The following FKBP5 variants were observed in gnomAD, a reference collection of about 807,000 sequenced individuals.
The protein encoded by FKBP5 is FKBP prolyl isomerase 5.
Under a neutral mutation model 50.5 loss-of-function variants are expected in FKBP5, and 23 were observed. The observed-to-expected ratio is 0.46, with a 90% CI of 0.33 to 0.65. The LOEUF (loss-of-function observed/expected upper bound fraction) is 0.65, where lower values mean the gene tolerates loss of function less well. Ranked by LOEUF, FKBP5 falls within the 30% of genes least tolerant of loss-of-function variation. FKBP5 has a pLI of 0.02. For missense variants in FKBP5, 411 were observed against 553.1 expected, an observed-to-expected ratio of 0.74 and a Z score of 2.58; for synonymous variants, 176 against 190.6, an observed-to-expected ratio of 0.92 and a Z score of 0.63.
chr6:35,685,599 A>T (rs1006994775), intron 1 of FKBP5, among the ~76,000 whole-genome samples: 2 of 152,244 alleles, frequency 1.3e-5, no homozygotes, highest in Non-Finnish European at 2.9e-5. Flanking sequence ...AATATAGATT[A>T]TTCTTTAGGA....
intron 1 of FKBP5, among the ~76,000 whole-genome samples, chr6:35,724,468 A>G (rs1378864465): frequency 2.6e-5 from 4 of 152,200 alleles, no homozygotes; most frequent in African/African-American, 9.6e-5. Context: ...CAGGAGCTCC[A>G]AGGAGGCAGA....
chr6:35,672,929 CAA>C (rs764085096), intron 1 of FKBP5, among the ~76,000 whole-genome samples: 2 of 112,530 alleles, frequency 1.8e-5, no homozygotes, highest in Non-Finnish European at 1.9e-5. Context: ...GACTCCGTCT[CAA>C]AAAAAAAAAA....
intron 6 of FKBP5, among the ~76,000 whole-genome samples, chr6:35,595,197 T>A (rs9366890): frequency 0.82 from 125,455 of 152,172 alleles, 51,834 homozygotes; most frequent in African/African-American, 0.84. Flanking sequence ...TTTAAATCTG[T>A]AAAGAACTGT....
chr6:35,578,142 A>C (rs1047484161), intron 9 of FKBP5, among the ~76,000 whole-genome samples: 1 of 152,066 alleles, frequency 6.6e-6, no homozygotes, highest in Non-Finnish European at 1.5e-5. Flanking sequence ...ATTAAAAAAA[A>C]CCATAAAATG....
chr6:35,623,777 T>G (rs1763917891), intron 3 of FKBP5, among the ~76,000 whole-genome samples: 1 of 150,856 alleles, frequency 6.6e-6, no homozygotes, highest in Admixed American at 6.6e-5. Context: ...GTAGACAGTC[T>G]CACCATGTTG....
At chr6:35,597,447 G>C in intron 5 of FKBP5, 43 bp from the exon 6 acceptor site, 1 of 1,584,932 alleles carries the variant, frequency 6.3e-7, no homozygotes, top group Non-Finnish European at 8.6e-7. Context: ...CTGCTTCTTA[G>C]GACTGGCTAA....
intron 1 of FKBP5, among the ~76,000 whole-genome samples, chr6:35,663,346 C>T (rs528632781): frequency 3.1e-4 from 47 of 152,286 alleles, no homozygotes; most frequent in African/African-American, 1.1e-3. Context: ...CAGGCAGAGG[C>T]CTGACTGTGA....
chr6:35,591,218 T>C lies in FKBP5; in HGVS notation c.668A>G (p.Tyr223Cys). ...AGGCTTCCCTGCCTCTCCAAAACCA[T>C]ATCTGAAATGGAGAGTAAAAAATAA... ...EQCILYLGPRYGFGEAGKPKF... is the reference protein window; with the variant it reads ...EQCILYLGPRCGFGEAGKPKF... The change falls in exon 7 of 11, where the codon TAT becomes TGT. Residue 223 changes from tyrosine to cysteine, a missense_variant and splice_region_variant. Around this residue, in one of 3 missense-constraint regions of FKBP5, gnomAD observed 267 missense variants for 405.9 expected, o/e 0.66. Transcript: ENST00000357266. The C allele has an allele frequency of 6.2e-7, 1 of 1,601,964 alleles. No homozygotes were observed. The highest frequency in any genetic ancestry group is 8.5e-7 in the Non-Finnish European group (1 of 1,170,388).
chr6:35,636,795 G>A (rs1476801094), intron 3 of FKBP5, among the ~76,000 whole-genome samples: 1 of 152,086 alleles, frequency 6.6e-6, no homozygotes, highest in African/African-American at 2.4e-5. Context: ...TGTCAATACA[G>A]TAAAATGGCA....
rs1193901351 is a variant in FKBP5 at position 35,642,803 on chromosome 6, T to C, written c.22A>G (p.Lys8Glu). The C allele has an allele frequency of 6.2e-7, 1 of 1,613,974 alleles. No homozygotes were observed. The highest frequency in any genetic ancestry group is 1.7e-5 in the Admixed American group (1 of 60,004). The change falls in exon 2 of 11, where the codon AAG (lysine) becomes GAG (glutamate). Residue 8 changes from lysine to glutamate, a missense_variant. Around this residue, in one of 3 missense-constraint regions of FKBP5, gnomAD observed 56 missense variants for 58.2 expected, o/e 0.96. Transcript: ENST00000357266. MTTDEGA[K>E]NNEESPTATV... Reference sequence around the variant, plus strand: ...GCTGTGGGGCTTTCTTCATTGTTCTTGGCACCTTCATCAGTAGTCATTGTC... The same window carrying C: ...GCTGTGGGGCTTTCTTCATTGTTCTCGGCACCTTCATCAGTAGTCATTGTC...
intron 1 of FKBP5, among the ~76,000 whole-genome samples, chr6:35,670,781 T>C (rs981881086): frequency 2.6e-5 from 4 of 151,320 alleles, no homozygotes; most frequent in Non-Finnish European, 4.4e-5. Context: ...CATATACTGC[T>C]ATCTGTGTCA....
At chr6:35,675,293 A>C (rs1765496699) in intron 1 of FKBP5, among the ~76,000 whole-genome samples, 1 of 152,228 alleles carries the variant, frequency 6.6e-6, no homozygotes, top group Non-Finnish European at 1.5e-5. Flanking sequence ...CACGCCTGTA[A>C]TCCCGGATTC....
At chr6:35,657,796 C>A (rs138759603) in intron 1 of FKBP5, among the ~76,000 whole-genome samples, 77 of 152,220 alleles carry the variant, frequency 5.1e-4, no homozygotes, top group African/African-American at 1.8e-3. Flanking sequence ...AACATTCTTT[C>A]CTTTTCCTTT....
chr6:35,602,818 T>G (rs1310132462), intron 5 of FKBP5, among the ~76,000 whole-genome samples: 1 of 152,216 alleles, frequency 6.6e-6, no homozygotes, highest in Non-Finnish European at 1.5e-5. Flanking sequence ...CTCCTGGAAC[T>G]GAATAACATT....
chr6:35,705,738 AC>A (rs1225873599), intron 2 of FKBP5, among the ~76,000 whole-genome samples: 1 of 152,152 alleles, frequency 6.6e-6, no homozygotes, highest in Non-Finnish European at 1.5e-5. Context: ...CTAGGTCCTT[AC>A]CTCATTTCTT....
intron 2 of FKBP5, among the ~76,000 whole-genome samples, chr6:35,719,802 T>C (rs575685504): frequency 2.0e-5 from 3 of 152,356 alleles, no homozygotes; most frequent in African/African-American, 7.2e-5. Context: ...CAAGCTTGAC[T>C]GCAACTCCCA....
At chr6:35,647,299 C>A (rs1764656863) in intron 1 of FKBP5, among the ~76,000 whole-genome samples, 1 of 152,146 alleles carries the variant, frequency 6.6e-6, no homozygotes, top group African/African-American at 2.4e-5. Flanking sequence ...AACCTGAATA[C>A]AGGATTATTC....
chr6:35,646,405 A>C (rs1764631640), intron 1 of FKBP5, among the ~76,000 whole-genome samples: 1 of 152,182 alleles, frequency 6.6e-6, no homozygotes, highest in Admixed American at 6.5e-5. Context: ...AACAACAAGA[A>C]AACAAACTTT....
chr6:35,715,246 T>A (rs1766491563), intron 2 of FKBP5, among the ~76,000 whole-genome samples: 1 of 152,296 alleles, frequency 6.6e-6, no homozygotes, highest in Admixed American at 6.5e-5. Context: ...TTTCACAGCA[T>A]CTTCAGCCAA....
Sources: gnomAD v4.1 joint callset for allele counts (sites outside exome capture counted in the v4.1 genomes callset) on GRCh38, gnomAD v4.1.1 for gene constraint, gnomAD v4.1.1 regional missense constraint, MANE v1.5 for transcripts, NCBI Gene and HGNC (gene_info 2026-07-23, HGNC 2026-07-21) for gene names.